Variants in NCAM1 observed in about 807,000 individuals in gnomAD.
NCAM1 encodes neural cell adhesion molecule 1.
A neutral mutation model predicts 109.8 loss-of-function variants in NCAM1; 14 were observed. That is an observed-to-expected ratio of 0.13 (90% CI 0.08 to 0.20). The LOEUF (loss-of-function observed/expected upper bound fraction) is 0.20, where lower values mean the gene tolerates loss of function less well. Ranked by LOEUF, NCAM1 falls within the 10% of genes least tolerant of loss-of-function variation. NCAM1 has a pLI of 1.00. For synonymous variants in NCAM1, 418 were observed against 442.9 expected (o/e 0.94, Z 0.70); for missense variants, 774 against 1,109.9 (o/e 0.70, Z 4.30).
At chr11:113,199,133 G>A (rs1192559958) in intron 1 of NCAM1, among the ~76,000 whole-genome samples, 4 of 152,264 alleles carry the variant, frequency 2.6e-5, no homozygotes, top group South Asian at 4.2e-4. Context: ...CAGTATTTAC[G>A]CAAGGAGTGT....
chr11:113,013,883 T>C (rs1952139431), intron 1 of NCAM1, among the ~76,000 whole-genome samples: 1 of 152,210 alleles, frequency 6.6e-6, no homozygotes, highest in African/African-American at 2.4e-5. Flanking sequence ...GCAGTTTTCT[T>C]AAGTGAAATG....
rs574755550 is a variant in NCAM1 at position 113,148,590 on chromosome 11, T to C, written c.53-53789T>C. On this transcript the variant is annotated intron_variant, in intron 1 of 19. Coordinates refer to ENST00000316851, the MANE Select transcript of NCAM1 (RefSeq NM_181351.5). ...GGGCATTCATCCAAGTGAAAATTTT[T>C]GTTAACGTTAGGTAAGGATTCAAAG... Among the ~76,000 whole-genome samples the C allele has an allele frequency of 1.7e-4, 26 of 152,260 alleles. No individual in the cohort carries two copies. In the South Asian group the frequency reaches 3.5e-3, roughly 21 times the overall value.
chr11:113,204,274 C>T lies in NCAM1; in HGVS notation c.128-12C>T. The T allele has an allele frequency of 1.9e-6, 3 of 1,596,634 alleles. No individual in the cohort carries two copies. Among genetic ancestry groups the T allele is most frequent in the Middle Eastern group, 1.7e-4 (1 of 6,040 alleles). On this transcript the variant is annotated splice_polypyrimidine_tract_variant and intron_variant, in intron 2 of 19. Coordinates refer to ENST00000316851, the MANE Select transcript of NCAM1 (RefSeq NM_181351.5). ...GACTTCAGTAGCTTAAAAATAATCT[C>T]TTCCTCTTTAGTGGCAGGAGATGCC...
chr11:113,233,116 AC>A lies in NCAM1; in HGVS notation c.1523-29del. On this transcript the variant is annotated intron_variant, in intron 12 of 19. Coordinates refer to ENST00000316851, the MANE Select transcript of NCAM1 (RefSeq NM_181351.5). This position sits in a 1 kb window ranked among gnomAD's most constrained non-coding sequence, Gnocchi z 4.5. ...AATGGTCTTGGGCCAAACTGGGCTC[AC>A]CTGAGTCTCCATATGTGTCTTCCCC... The A allele has an allele frequency of 6.2e-7, 1 of 1,600,972 alleles. No homozygotes were observed. Among genetic ancestry groups the A allele is most frequent in the Non-Finnish European group, 8.5e-7 (1 of 1,174,180 alleles).
chr11:113,220,600 CTCTTTT>C (rs1385384317), intron 8 of NCAM1, among the ~76,000 whole-genome samples: 2 of 102,374 alleles, frequency 2.0e-5, no homozygotes, highest in African/African-American at 1.2e-4. Context: ...CTCTCTCTCT[CTCTTTT>C]TTTTTTTTTT....
intron 1 of NCAM1, among the ~76,000 whole-genome samples, chr11:113,197,821 T>A (rs1555111124): frequency 6.6e-6 from 1 of 152,232 alleles, no homozygotes; most frequent in African/African-American, 2.4e-5. Flanking sequence ...TTTTTTGAAA[T>A]CAGAACAAAT....
chr11:113,100,555 G>A (rs1384138114), intron 1 of NCAM1, among the ~76,000 whole-genome samples: 4 of 152,146 alleles, frequency 2.6e-5, no homozygotes, highest in African/African-American at 9.7e-5. Context: ...GGGATGGAGA[G>A]CTGGAAAGGG....
intron 1 of NCAM1, among the ~76,000 whole-genome samples, chr11:113,104,276 G>A (rs1940044653): frequency 6.6e-6 from 1 of 151,396 alleles, no homozygotes. Flanking sequence ...TTGTTTACAG[G>A]AGTGAAGAGA....
intron 1 of NCAM1, among the ~76,000 whole-genome samples, chr11:113,030,246 G>C (rs1398363876): frequency 1.3e-5 from 2 of 152,180 alleles, no homozygotes; most frequent in East Asian, 1.9e-4. Context: ...ACAAGTGCTT[G>C]TTATTGTTAC....
At chr11:113,226,841 A>T (rs1944866880) in intron 9 of NCAM1, among the ~76,000 whole-genome samples, 1 of 152,242 alleles carries the variant, frequency 6.6e-6, no homozygotes, top group South Asian at 2.1e-4. Context: ...CTGGGTACAT[A>T]ACGAAATGAA....
At chr11:113,214,708 A>G (rs554926510) in intron 8 of NCAM1, among the ~76,000 whole-genome samples, 197 bp downstream of exon 8, 1 of 152,246 alleles carries the variant, frequency 6.6e-6, no homozygotes, top group Non-Finnish European at 1.5e-5. Flanking sequence ...AATAGGCACA[A>G]TTCCTTGGAT....
intron 1 of NCAM1, among the ~76,000 whole-genome samples, chr11:113,046,915 T>C (rs1953290040): frequency 6.6e-6 from 1 of 151,722 alleles, no homozygotes; most frequent in Non-Finnish European, 1.5e-5. Flanking sequence ...AGAAAGATGA[T>C]AGATAGATAG....
chr11:112,986,989 G>A (rs1170111578), intron 1 of NCAM1, among the ~76,000 whole-genome samples: 1 of 151,824 alleles, frequency 6.6e-6, no homozygotes, highest in Admixed American at 6.6e-5. Context: ...ACATTAGGTT[G>A]TTTACTTCAA....
At chr11:113,148,791 A>C (rs1942116500) in intron 1 of NCAM1, among the ~76,000 whole-genome samples, 1 of 152,162 alleles carries the variant, frequency 6.6e-6, no homozygotes, top group Non-Finnish European at 1.5e-5. Flanking sequence ...AGACTCTTCC[A>C]AGTCTCAGGA....
At chr11:113,047,651 A>G (rs1253406807) in intron 1 of NCAM1, among the ~76,000 whole-genome samples, 2 of 152,092 alleles carry the variant, frequency 1.3e-5, no homozygotes, top group African/African-American at 4.8e-5. Context: ...AAGACTGGGT[A>G]ATTTAGAAAG....
At chr11:113,121,464 C>T (rs868925293) in intron 1 of NCAM1, among the ~76,000 whole-genome samples, 133 of 144,854 alleles carry the variant, frequency 9.2e-4, no homozygotes, top group African/African-American at 3.4e-3. Context: ...CAGGTGATCC[C>T]CCTGCCTCGT....
intron 1 of NCAM1, among the ~76,000 whole-genome samples, chr11:113,141,868 CAGTCG>C (rs1471790065): frequency 7.2e-5 from 11 of 152,030 alleles, no homozygotes; most frequent in African/African-American, 2.7e-4. Flanking sequence ...GTGTTCATTC[CAGTCG>C]TATATAAAAG....
At chr11:113,162,035 T>C (rs1015875934) in intron 1 of NCAM1, among the ~76,000 whole-genome samples, 2 of 152,190 alleles carry the variant, frequency 1.3e-5, no homozygotes, top group African/African-American at 4.8e-5. Flanking sequence ...GGTGTTATGC[T>C]AGGAAGTCAG....
intron 8 of NCAM1, among the ~76,000 whole-genome samples, chr11:113,220,793 T>C (rs1329122572): frequency 6.6e-6 from 1 of 151,736 alleles, no homozygotes; most frequent in Non-Finnish European, 1.5e-5. Flanking sequence ...TTTTTTTTAG[T>C]AGAGATGGGG....
Sources: gnomAD v4.1 joint callset for allele counts (sites outside exome capture counted in the v4.1 genomes callset) on GRCh38, gnomAD v4.1.1 for gene constraint, Gnocchi (gnomAD v3.1) non-coding constraint, MANE v1.5 for transcripts, NCBI Gene and HGNC (gene_info 2026-07-23, HGNC 2026-07-21) for gene names.